The following RNF38 variants were observed in gnomAD, a reference collection of about 807,000 sequenced individuals.
The protein encoded by RNF38 is ring finger protein 38.
In RNF38, 15 loss-of-function variants were observed where a neutral mutation model predicts 67.2. That is an observed-to-expected ratio of 0.22 (90% CI 0.15 to 0.34). RNF38 has a LOEUF of 0.34. Ranked by LOEUF, RNF38 falls within the 10% of genes least tolerant of loss-of-function variation. RNF38 has a pLI of 1.00. For synonymous variants in RNF38, 220 were observed against 218.8 expected (o/e 1.01, Z -0.05); for missense variants, 524 against 639.9 (o/e 0.82, Z 1.95).
Position 36,339,693 on chromosome 9 carries a change from T to C in RNF38, c.*59A>G, listed in dbSNP as rs1465638356. The stretch of plus-strand genomic sequence containing the variant: ...AGCCACACAGATTAAGTTCAATGGA[T>C]AGTCCGTATATACATGTGATGAGGA... On this transcript the variant is annotated 3_prime_UTR_variant, in exon 12 of 12. Coordinates refer to ENST00000259605, the MANE Select transcript of RNF38 (RefSeq NM_022781.5). 9 of 1,345,838 alleles carry C rather than the reference T, an allele frequency of 6.7e-6. No individual in the cohort carries two copies. Among genetic ancestry groups the C allele is most frequent in the Non-Finnish European group, 9.5e-6 (9 of 946,390 alleles). 83.4% of individuals were successfully genotyped at this position (1,345,838 alleles called of 1,614,324 possible). A position where few individuals can be genotyped will look rare whatever the true frequency, so the allele number is the denominator to read the frequency against.
At chr9:36,469,287 T>C (rs770886632) in intron 1 of RNF38, among the ~76,000 whole-genome samples, 6 of 152,080 alleles carry the variant, frequency 3.9e-5, no homozygotes, top group Non-Finnish European at 8.8e-5. Flanking sequence ...TGGAGTGCTA[T>C]TCATTTAACA....
At chr9:36,375,741 G>A (rs1376971470) in intron 3 of RNF38, among the ~76,000 whole-genome samples, 193 bp downstream of exon 3, 1 of 152,106 alleles carries the variant, frequency 6.6e-6, no homozygotes, top group Admixed American at 6.5e-5. Flanking sequence ...TTCTTCATCT[G>A]TCAATGATAA....
chr9:36,389,159 A>T (rs1028458669), intron 2 of RNF38, among the ~76,000 whole-genome samples: 3 of 152,156 alleles, frequency 2.0e-5, no homozygotes, highest in Admixed American at 6.5e-5. Flanking sequence ...TTAAATTAAA[A>T]CTATTTAAAT....
intron 2 of RNF38, among the ~76,000 whole-genome samples, chr9:36,381,113 A>G (rs1193663604): frequency 3.3e-5 from 5 of 152,204 alleles, no homozygotes; most frequent in East Asian, 1.9e-4. Flanking sequence ...TTCACTCCTC[A>G]CACCCTATTT....
At chr9:36,393,477 TTG>T (rs58913703) in intron 1 of RNF38, among the ~76,000 whole-genome samples, 1,104 of 87,758 alleles carry the variant, frequency 0.013, 6 homozygotes, top group South Asian at 0.029. Context: ...CACACACACA[TTG>T]TGTGTGTGTG....
At chr9:36,389,810 C>T (rs1028065658) in intron 2 of RNF38, among the ~76,000 whole-genome samples, 4 of 152,168 alleles carry the variant, frequency 2.6e-5, no homozygotes, top group African/African-American at 7.2e-5. Context: ...CACTCAGAGG[C>T]AATTGTGTAA....
intron 1 of RNF38, among the ~76,000 whole-genome samples, chr9:36,485,555 G>A (rs773640032): frequency 4.6e-5 from 7 of 152,118 alleles, no homozygotes; most frequent in Non-Finnish European, 8.8e-5. Context: ...TTCCCTGATT[G>A]TAAGTCTCTC....
chr9:36,435,862 C>G (rs1459018198), intron 1 of RNF38, among the ~76,000 whole-genome samples: 1 of 152,152 alleles, frequency 6.6e-6, no homozygotes, highest in Non-Finnish European at 1.5e-5. Context: ...ATATCCTGAC[C>G]TCGTGATCCG....
chr9:36,365,076 TAG>T (rs1446861777), intron 4 of RNF38, among the ~76,000 whole-genome samples: 2 of 152,188 alleles, frequency 1.3e-5, no homozygotes, highest in Non-Finnish European at 2.9e-5. Flanking sequence ...CAACTATCAG[TAG>T]TTCACTTTCT....
chr9:36,434,185 G>A (rs1167636374), intron 1 of RNF38, among the ~76,000 whole-genome samples: 7 of 146,876 alleles, frequency 4.8e-5, no homozygotes, highest in African/African-American at 1.8e-4. Flanking sequence ...ACAGTGAGCT[G>A]AGATCGTGCC....
At chr9:36,452,918 T>G (rs190791028) in intron 1 of RNF38, among the ~76,000 whole-genome samples, 108 of 152,288 alleles carry the variant, frequency 7.1e-4, no homozygotes, top group African/African-American at 2.5e-3. Context: ...GCATTTGAAT[T>G]GTTTCTGTTT....
At position 36,485,894 on chromosome 9, in the gene RNF38, G is replaced by A. The variant is rs139450134; in HGVS notation, n.241+1414C>T. On this transcript the variant is annotated intron_variant and non_coding_transcript_variant, in intron 1 of 3. Transcript: ENST00000488058. The stretch of plus-strand genomic sequence containing the variant: ...GAACAAGAGCGAGAATGAGGGGGAG[G>A]GGGTGCTCAAGCTAGAACGTTTCTA... Among the ~76,000 whole-genome samples, 436 of 152,162 alleles carry A rather than the reference G, an allele frequency of 2.9e-3. 2 individuals carry two copies. The highest frequency in any genetic ancestry group is 9.2e-3 in the African/African-American group (381 of 41,484).
At chr9:36,362,072 T>C (rs1347645550) in intron 4 of RNF38, among the ~76,000 whole-genome samples, 1 of 152,084 alleles carries the variant, frequency 6.6e-6, no homozygotes, top group African/African-American at 2.4e-5. Context: ...AATCAATGAA[T>C]AGGGCCGGGC....
intron 2 of RNF38, among the ~76,000 whole-genome samples, chr9:36,382,065 T>A (rs1173228062): frequency 6.6e-6 from 1 of 152,254 alleles, no homozygotes; most frequent in African/African-American, 2.4e-5. Context: ...TCCCAGGTGA[T>A]GATGCTTGGA....
At chr9:36,452,677 T>C (rs772288209) in intron 1 of RNF38, among the ~76,000 whole-genome samples, 17 of 151,880 alleles carry the variant, frequency 1.1e-4, no homozygotes, top group Non-Finnish European at 1.5e-4. Flanking sequence ...GGACTATAGG[T>C]GTGCGCCACC....
rs2133500461 is a variant in RNF38 at position 36,352,905 on chromosome 9, C to CA, written c.1072-58dup. 3 of 1,213,432 alleles carry CA rather than the reference C, an allele frequency of 2.5e-6. No individual in the cohort carries two copies. In the South Asian group the frequency reaches 3.9e-5, roughly 16 times the overall value. The allele number at this position is 1,213,432 out of a possible 1,614,324, so 75.2% of individuals were successfully genotyped here. On this transcript the variant is annotated intron_variant, in intron 7 of 11. Coordinates refer to ENST00000259605, the MANE Select transcript of RNF38 (RefSeq NM_022781.5). ...CACTCTACGTTTACAAATAGCCTGT[C>CA]AAATAAAGTATCTAATTAAAAAAAG...
chr9:36,424,936 T>G (rs958262213), intron 1 of RNF38, among the ~76,000 whole-genome samples: 1 of 152,206 alleles, frequency 6.6e-6, no homozygotes, highest in African/African-American at 2.4e-5. Context: ...TAATTCCCCC[T>G]CTTTCTACTA....
intron 9 of RNF38, among the ~76,000 whole-genome samples, chr9:36,346,196 A>G (rs1477499841): frequency 6.6e-6 from 1 of 152,092 alleles, no homozygotes; most frequent in African/African-American, 2.4e-5. Flanking sequence ...ATGTGTTTCA[A>G]TACTGTAATT....
chr9:36,358,607 C>T (rs1217036367), intron 4 of RNF38, among the ~76,000 whole-genome samples: 1 of 152,158 alleles, frequency 6.6e-6, no homozygotes, highest in East Asian at 1.9e-4. Context: ...TGGTACTAGC[C>T]AGATATTTTA....
Sources: allele counts gnomAD v4.1 joint callset (sites outside exome capture counted in the v4.1 genomes callset), GRCh38; gene constraint gnomAD v4.1.1; transcripts MANE v1.5; gene names NCBI Gene and HGNC (gene_info 2026-07-23, HGNC 2026-07-21).